The following EPB41L4B variants were observed in gnomAD, a reference collection of about 807,000 sequenced individuals.
EPB41L4B encodes erythrocyte membrane protein band 4.1 like 4B, also known as band 4.1-like protein 4B.
A neutral mutation model predicts 112.5 loss-of-function variants in EPB41L4B; 30 were observed. The observed-to-expected ratio is 0.27, with a 90% confidence interval of 0.20 to 0.36. The LOEUF (loss-of-function observed/expected upper bound fraction) is 0.36, where lower values mean the gene tolerates loss of function less well. EPB41L4B is among the 10% of genes least tolerant of loss of function. The pLI, the probability that EPB41L4B is intolerant of heterozygous loss-of-function variation, is 1.00. For missense variants in EPB41L4B, 1,024 were observed against 1,133.3 expected (o/e 0.90, Z 1.38); for synonymous variants, 408 against 439.7 (o/e 0.93, Z 0.90).
chr9:109,288,481 G>A (rs577216852), intron 1 of EPB41L4B, among the ~76,000 whole-genome samples: 120 of 152,154 alleles, frequency 7.9e-4, no homozygotes, highest in African/African-American at 2.7e-3. Flanking sequence ...AGCACTTTGG[G>A]AGGCCGAGGC....
intron 1 of EPB41L4B, among the ~76,000 whole-genome samples, chr9:109,314,354 AAC>A (rs1837546629): frequency 6.6e-6 from 1 of 152,178 alleles, no homozygotes; most frequent in Non-Finnish European, 1.5e-5. Flanking sequence ...TTCAAAACGA[AAC>A]AGACCTGTGC....
intron 1 of EPB41L4B, among the ~76,000 whole-genome samples, chr9:109,295,480 C>A (rs1336180524): frequency 6.6e-6 from 1 of 152,140 alleles, no homozygotes; most frequent in East Asian, 1.9e-4. Context: ...GCCCAGGACT[C>A]AGTATTACAG....
rs367888499 is a variant in EPB41L4B, at chr9:109,270,067, G to GTGCAGGATGCTTT, written c.412-1647_412-1635dup. Among the ~76,000 whole-genome samples the GTGCAGGATGCTTT allele has an allele frequency of 6.9e-3, 1,057 of 152,308 alleles. 20 individuals are homozygous for GTGCAGGATGCTTT. The highest frequency in any genetic ancestry group is 0.031 in the East Asian group (163 of 5,182). The stretch of plus-strand genomic sequence containing the variant: ...CAGGATGTGTATCTCAGACGCACAT[G>GTGCAGGATGCTTT]TGCAGGATGCTTTATCTCATTGTTA... On this transcript the variant is annotated intron_variant, in intron 2 of 25. Transcript: ENST00000374566.
chr9:109,213,234 T>C (rs1833245471), intron 17 of EPB41L4B, among the ~76,000 whole-genome samples: 1 of 152,240 alleles, frequency 6.6e-6, no homozygotes, highest in South Asian at 2.1e-4. Flanking sequence ...AGGCTGCCTC[T>C]TTGGATGTAA....
rs113565796 is a variant in EPB41L4B, at chr9:109,184,106, C to T, written c.2419-1309G>A. Among the ~76,000 whole-genome samples, 246 of 146,012 alleles carry T rather than the reference C, an allele frequency of 1.7e-3. 1 individual carries two copies. The highest frequency in any genetic ancestry group is 6.0e-3 in the African/African-American group (234 of 38,816). ...ACCCTTGGGGTGAAGTCTTGGGGTA[C>T]ATTCTCCTCTTGTTGCCTATTGAGT... On this transcript the variant is annotated intron_variant, in intron 23 of 25. Transcript: ENST00000374566.
intron 25 of EPB41L4B, among the ~76,000 whole-genome samples, chr9:109,174,835 G>GCTGA (rs1293981384): frequency 1.3e-5 from 2 of 151,704 alleles, no homozygotes; most frequent in African/African-American, 4.8e-5. Context: ...AGAGTTCCTG[G>GCTGA]CTGACTATAT....
At chr9:109,215,344 A>G (rs1055360064) in intron 16 of EPB41L4B, among the ~76,000 whole-genome samples, 1 of 152,028 alleles carries the variant, frequency 6.6e-6, no homozygotes, top group Non-Finnish European at 1.5e-5. Context: ...CGGTGGCACC[A>G]TCTCGGCTCA....
chr9:109,183,035 G>A (rs547156231), intron 23 of EPB41L4B, among the ~76,000 whole-genome samples: 4 of 152,160 alleles, frequency 2.6e-5, no homozygotes, highest in East Asian at 1.9e-4. Flanking sequence ...CTGGAGTCTC[G>A]TGTTCCTAGA....
At chr9:109,263,420 A>C (rs748059118) in intron 5 of EPB41L4B, among the ~76,000 whole-genome samples, 1 of 152,262 alleles carries the variant, frequency 6.6e-6, no homozygotes, top group Non-Finnish European at 1.5e-5. Context: ...TATTATTTTT[A>C]AACATATTTT....
chr9:109,246,766 C>A (rs746217332), intron 14 of EPB41L4B, among the ~76,000 whole-genome samples: 5 of 152,200 alleles, frequency 3.3e-5, no homozygotes, highest in Non-Finnish European at 5.9e-5. Flanking sequence ...AGCTGGCAGG[C>A]GGCACAGGCC....
chr9:109,247,822 A>G, intron 13 of EPB41L4B, 33 bp from the exon 14 acceptor site: 9 of 1,456,720 alleles, frequency 6.2e-6, no homozygotes, highest in Non-Finnish European at 6.4e-6. Context: ...AACAGAAAAA[A>G]AAAGAAAAAT....
At chr9:109,243,350 G>A (rs768818435) in intron 15 of EPB41L4B, among the ~76,000 whole-genome samples, 1 of 150,334 alleles carries the variant, frequency 6.7e-6, no homozygotes, top group Non-Finnish European at 1.5e-5. Flanking sequence ...GTAACATCTT[G>A]AACACAAAAC....
At chr9:109,210,781 G>A (rs887025298) in intron 17 of EPB41L4B, among the ~76,000 whole-genome samples, 1 of 152,180 alleles carries the variant, frequency 6.6e-6, no homozygotes, top group Non-Finnish European at 1.5e-5. Flanking sequence ...CCTGGAGGAT[G>A]GCTTCAAGAA....
intron 1 of EPB41L4B, among the ~76,000 whole-genome samples, chr9:109,311,161 T>C (rs928572701): frequency 1.1e-4 from 17 of 152,202 alleles, no homozygotes; most frequent in African/African-American, 3.9e-4. Flanking sequence ...GCCACTTAAC[T>C]GCATACACTT....
At chr9:109,293,299 T>C (rs998260292) in intron 1 of EPB41L4B, among the ~76,000 whole-genome samples, 2 of 152,204 alleles carry the variant, frequency 1.3e-5, no homozygotes, top group African/African-American at 4.8e-5. Flanking sequence ...AAATGTTTCT[T>C]CTTAGGACAT....
At chr9:109,274,770 T>G (rs1406878296) in intron 2 of EPB41L4B, among the ~76,000 whole-genome samples, 2 of 152,244 alleles carry the variant, frequency 1.3e-5, no homozygotes, top group Non-Finnish European at 2.9e-5. Flanking sequence ...ACAACATTCT[T>G]AGGAACATCA....
At chr9:109,275,915 C>T (rs779284073) in intron 2 of EPB41L4B, among the ~76,000 whole-genome samples, 24 of 152,038 alleles carry the variant, frequency 1.6e-4, no homozygotes, top group Admixed American at 3.9e-4. Flanking sequence ...TGACAAATGC[C>T]TCTCCCTCAG....
intron 1 of EPB41L4B, among the ~76,000 whole-genome samples, chr9:109,293,213 C>G (rs4534184): frequency 0.91 from 138,262 of 152,250 alleles, 62,856 homozygotes; most frequent in Middle Eastern, 0.98. Context: ...TATATATACA[C>G]AGATACAGTG....
chr9:109,240,085 A>C, intron 15 of EPB41L4B: 1 of 985,428 alleles, frequency 1.0e-6, no homozygotes, highest in African/African-American at 1.7e-5. Flanking sequence ...TTCTGTTACC[A>C]AGGTCATTCA....
Sources: gnomAD v4.1 joint callset for allele counts (sites outside exome capture counted in the v4.1 genomes callset) on GRCh38, gnomAD v4.1.1 for gene constraint, MANE v1.5 for transcripts, NCBI Gene and HGNC (gene_info 2026-07-23, HGNC 2026-07-21) for gene names.